SEMA3A: variants seen among roughly 807,000 people sequenced by gnomAD.
The protein encoded by SEMA3A is semaphorin 3A, also known as semaphorin-3A.
In SEMA3A, 29 loss-of-function variants were observed where a neutral mutation model predicts 97.9. The ratio of observed to expected loss-of-function variants is 0.30; its 90% CI spans 0.22 to 0.40. SEMA3A has a LOEUF of 0.40. Ranked by LOEUF, SEMA3A falls within the 10% of genes least tolerant of loss-of-function variation. SEMA3A has a pLI of 1.00. For synonymous variants in SEMA3A, 321 were observed against 323.7 expected, an observed-to-expected ratio of 0.99 and a Z score of 0.09; for missense variants, 763 against 951.3, an observed-to-expected ratio of 0.80 and a Z score of 2.60.
intron 1 of SEMA3A, among the ~76,000 whole-genome samples, chr7:84,408,690 A>G (rs545368723): frequency 7.1e-6 from 1 of 141,652 alleles, no homozygotes; most frequent in African/African-American, 2.8e-5. Context: ...TGGCACATAT[A>G]CACCATGGAA....
At chr7:84,117,254 AATTT>A (rs1330467411) in intron 3 of SEMA3A, among the ~76,000 whole-genome samples, 5 of 152,116 alleles carry the variant, frequency 3.3e-5, no homozygotes, top group East Asian at 1.9e-4. Flanking sequence ...GGAATTTTTA[AATTT>A]ATTTATGTTT....
chr7:83,991,521 T>C (rs1302988927), intron 12 of SEMA3A, among the ~76,000 whole-genome samples: 1 of 151,578 alleles, frequency 6.6e-6, no homozygotes, highest in Non-Finnish European at 1.5e-5. Context: ...TGAGAGTTTT[T>C]AGCATGAAGG....
intron 2 of SEMA3A, among the ~76,000 whole-genome samples, chr7:84,362,041 T>C (rs548670642): frequency 1.3e-5 from 2 of 152,098 alleles, no homozygotes; most frequent in Admixed American, 6.6e-5. Context: ...TTTTGTATGG[T>C]ATATTTAGTG....
At chr7:84,174,246 C>T (rs1161474583) in intron 1 of SEMA3A, among the ~76,000 whole-genome samples, 1 of 152,146 alleles carries the variant, frequency 6.6e-6, no homozygotes, top group East Asian at 1.9e-4. Context: ...AAATTATCTT[C>T]CATGAAATGG....
chr7:84,433,152 G>A (rs1385687787), intron 1 of SEMA3A, among the ~76,000 whole-genome samples: 1 of 151,658 alleles, frequency 6.6e-6, no homozygotes, highest in Non-Finnish European at 1.5e-5. Context: ...AGGTATACAT[G>A]TGCCATGGTG....
chr7:84,270,889 A>G (rs1420808815), intron 3 of SEMA3A, among the ~76,000 whole-genome samples: 3 of 151,800 alleles, frequency 2.0e-5, no homozygotes, highest in Admixed American at 1.3e-4. Flanking sequence ...CAATTTCTAT[A>G]AAATGGAACT....
intron 3 of SEMA3A, chr7:84,306,536 A>G (rs1801159586): frequency 6.6e-6 from 1 of 152,184 alleles, no homozygotes; most frequent in South Asian, 2.1e-4. Flanking sequence ...CAACATATGT[A>G]ACCGTGATGG....
intron 3 of SEMA3A, among the ~76,000 whole-genome samples, chr7:84,245,056 AT>A (rs1304255273): frequency 6.6e-6 from 1 of 151,894 alleles, no homozygotes; most frequent in Non-Finnish European, 1.5e-5. Context: ...GAATCTGACG[AT>A]TATGTGTCTT....
chr7:84,192,053 T>C (rs1798059046), intron 1 of SEMA3A, among the ~76,000 whole-genome samples: 3 of 151,952 alleles, frequency 2.0e-5, no homozygotes, highest in African/African-American at 7.2e-5. Flanking sequence ...CTTGGCAACC[T>C]GAGCAATGAG....
intron 15 of SEMA3A, among the ~76,000 whole-genome samples, chr7:83,970,969 T>C (rs1224645626): frequency 6.6e-6 from 1 of 152,204 alleles, no homozygotes; most frequent in East Asian, 1.9e-4. Flanking sequence ...CAATAGATGC[T>C]CTATCAGTAG....
At chr7:84,285,994 A>G (rs1296639190) in intron 3 of SEMA3A, among the ~76,000 whole-genome samples, 2 of 151,700 alleles carry the variant, frequency 1.3e-5, no homozygotes, top group Admixed American at 1.3e-4. Context: ...AAAAAGAAGA[A>G]GAAGAAAGAA....
chr7:84,024,579 A>G lies in SEMA3A; in HGVS notation c.668-10228T>C, dbSNP rs536777262. Among the ~76,000 whole-genome samples, 9 of 152,108 alleles carry G rather than the reference A, an allele frequency of 5.9e-5. No individual in the cohort carries two copies. The South Asian group carries it at 1.9e-3, about 32-fold the overall frequency. On this transcript the variant is annotated intron_variant, in intron 6 of 16. Coordinates refer to ENST00000265362, the MANE Select transcript of SEMA3A (RefSeq NM_006080.3). ...AATGCCCCCCCACAATAAAAGAAAAAAGAAAAAAAATCAACTAGCCTCAGT... is the reference window on the plus strand; with the variant it reads ...AATGCCCCCCCACAATAAAAGAAAAGAGAAAAAAAATCAACTAGCCTCAGT...
At chr7:84,026,538 A>G (rs1791550224) in intron 6 of SEMA3A, among the ~76,000 whole-genome samples, 1 of 152,202 alleles carries the variant, frequency 6.6e-6, no homozygotes, top group Non-Finnish European at 1.5e-5. Flanking sequence ...ATAAAGACAC[A>G]TGCACATGAA....
At position 84,143,694 on chromosome 7, in the gene SEMA3A, T is replaced by TA. The variant is rs1020901414; in HGVS notation, c.113-8744dup. Among the ~76,000 whole-genome samples the TA allele has an allele frequency of 7.2e-3, 1,025 of 143,082 alleles. 11 individuals carry two copies. Among genetic ancestry groups the TA allele is most frequent in the African/African-American group, 0.024 (928 of 39,118 alleles). 93.9% of individuals were successfully genotyped at this position (143,082 alleles called of 152,430 possible). Reference sequence around the variant, plus strand: ...AACATAGCAAGATCCCATCTCTACTTAAAAAAAAAAAGTTGCTGTGCGTGC... The same window carrying TA: ...AACATAGCAAGATCCCATCTCTACTTAAAAAAAAAAAAGTTGCTGTGCGTGC... On this transcript the variant is annotated intron_variant, in intron 1 of 16. Transcript: ENST00000265362.
intron 1 of SEMA3A, among the ~76,000 whole-genome samples, chr7:84,467,156 T>G (rs1806019211): frequency 6.6e-6 from 1 of 152,122 alleles, no homozygotes; most frequent in Admixed American, 6.6e-5. Context: ...CTTTATGCAC[T>G]TGTGGAAACT....
chr7:84,286,792 A>C (rs1800601366), intron 3 of SEMA3A, among the ~76,000 whole-genome samples: 2 of 152,064 alleles, frequency 1.3e-5, no homozygotes, highest in Admixed American at 1.3e-4. Context: ...TTAGGACCTT[A>C]GCGAGGTTTT....
In SEMA3A at chr7:84,144,393, T is replaced by G. The variant is rs140990821; in HGVS notation, c.113-9442A>C. ...AATTCTGGTTGCAAAAGTTACAAAC[T>G]AAGTAATAATAAAATCTAATTTTTT... On this transcript the variant is annotated intron_variant, in intron 1 of 16. Coordinates refer to ENST00000265362, the MANE Select transcript of SEMA3A (RefSeq NM_006080.3). 1.1e-3 allele frequency among the ~76,000 whole-genome samples: 171 copies of G among 152,106 alleles called. 1 individual carries two copies. The East Asian group carries it at 0.013, about 12-fold the overall frequency.
At chr7:83,967,359 C>T (rs1788738424) in intron 15 of SEMA3A, among the ~76,000 whole-genome samples, 1 of 152,186 alleles carries the variant, frequency 6.6e-6, no homozygotes, top group Non-Finnish European at 1.5e-5. Context: ...CTCCAGCCCC[C>T]TTCTCTCCCC....
chr7:84,134,531 G>T (rs893936456), intron 2 of SEMA3A, among the ~76,000 whole-genome samples: 11 of 152,140 alleles, frequency 7.2e-5, no homozygotes, highest in African/African-American at 2.4e-4. Flanking sequence ...TTACTTTTAT[G>T]TAGGAAAAAT....
Sources: allele counts gnomAD v4.1 joint callset (sites outside exome capture counted in the v4.1 genomes callset), GRCh38; gene constraint gnomAD v4.1.1; transcripts MANE v1.5; gene names NCBI Gene and HGNC (gene_info 2026-07-23, HGNC 2026-07-21).